NPTN: variants seen among roughly 807,000 people sequenced by gnomAD.
NPTN encodes the protein neuroplastin, also known as SDR-1.
A neutral mutation model predicts 42.7 loss-of-function variants in NPTN; 5 were observed. That is an observed-to-expected ratio of 0.12 (90% CI 0.06 to 0.25). NPTN has a LOEUF of 0.25. Among genes scored for constraint, NPTN ranks in the 10% least tolerant of loss-of-function variants. The probability of loss-of-function intolerance (pLI) is 1.00; values close to 1 mark genes in which losing one functional copy is unlikely to be tolerated. For synonymous variants in NPTN, 180 were observed against 201.9 expected, an observed-to-expected ratio of 0.89 and a Z score of 0.92; for missense variants, 307 against 525.4, an observed-to-expected ratio of 0.58 and a Z score of 4.06.
In NPTN at chr15:73,630,667, A is replaced by G. The variant is rs140051738; in HGVS notation, c.91+2458T>C. Among the ~76,000 whole-genome samples the G allele has an allele frequency of 8.5e-4, 130 of 152,362 alleles. No homozygotes were observed. In the East Asian group the frequency reaches 0.021, roughly 24 times the overall value. On this transcript the variant is annotated intron_variant, in intron 1 of 8. Coordinates refer to ENST00000345330, the MANE Select transcript of NPTN (RefSeq NM_012428.4). ...ATTCAATCTAAACTACTACATTCCC[A>G]ATTCAGAGATACTTGTGAGTTTTTT...
chr15:73,594,397 A>G (rs1431578528), intron 2 of NPTN, among the ~76,000 whole-genome samples: 2 of 152,240 alleles, frequency 1.3e-5, no homozygotes, highest in African/African-American at 4.8e-5. Flanking sequence ...TTGAAGGCAA[A>G]GGAAAGCACT....
rs1418103403 is a variant in NPTN, at chr15:73,597,706, A to G, written c.92-337T>C. On this transcript the variant is annotated intron_variant, in intron 1 of 8. Transcript: ENST00000345330. The surrounding 1 kb of genome is among the most constrained non-coding windows in gnomAD (Gnocchi z 6.3). ...TGAGAAAGCCTCAGGTCTTGGGAAGAGCCTCTTTCCTTAGAACACAAACCA... is the reference window on the plus strand; with the variant it reads ...TGAGAAAGCCTCAGGTCTTGGGAAGGGCCTCTTTCCTTAGAACACAAACCA... Among the ~76,000 whole-genome samples the G allele has an allele frequency of 6.6e-6, 1 of 152,224 alleles. No homozygotes were observed. Among genetic ancestry groups the G allele is most frequent in the Non-Finnish European group, 1.5e-5 (1 of 68,042 alleles).
intron 1 of NPTN, among the ~76,000 whole-genome samples, chr15:73,611,975 T>C (rs1374886725): frequency 6.6e-6 from 1 of 152,162 alleles, no homozygotes; most frequent in African/African-American, 2.4e-5. Flanking sequence ...AATCATGTAC[T>C]GAGGTTTATT....
intron 3 of NPTN, among the ~76,000 whole-genome samples, chr15:73,589,774 T>G (rs1347675124): frequency 2.7e-5 from 4 of 150,690 alleles, no homozygotes; most frequent in African/African-American, 9.8e-5. Context: ...CAGAGCTGTC[T>G]CAAGATATCC....
At chr15:73,602,480 A>T (rs772537308) in intron 1 of NPTN, among the ~76,000 whole-genome samples, 2 of 152,174 alleles carry the variant, frequency 1.3e-5, no homozygotes, top group African/African-American at 2.4e-5. Context: ...TGACATCTAA[A>T]CGTGAATACA....
chr15:73,573,564 C>T, intron 5 of NPTN, 98 bp downstream of exon 5: 1 of 1,340,462 alleles, frequency 7.5e-7, no homozygotes, highest in Non-Finnish European at 1.0e-6. Context: ...GCCATGCACA[C>T]ATCCGAGGAT....
chr15:73,614,238 T>C (rs1433339904), intron 1 of NPTN, among the ~76,000 whole-genome samples: 2 of 152,022 alleles, frequency 1.3e-5, no homozygotes, highest in Non-Finnish European at 2.9e-5. Flanking sequence ...GAGGATCATT[T>C]GAGCCTCGGA....
In NPTN at chr15:73,633,170, G is replaced by A; in HGVS notation, c.46C>T (p.Leu16=). ...CCTGGGAGGAGGGAGCCAGAGACCA[G>A]CAACAGCGAGAGGGCCAGGGCGCTG... ...LPSALALSLL[L]VSGSLLPGPG... Residue 16 remains leucine, a synonymous_variant, in exon 1 of 9, where the codon CTG becomes TTG. Coordinates refer to ENST00000345330, the MANE Select transcript of NPTN (RefSeq NM_012428.4). 1 of 1,519,206 alleles carries A rather than the reference G, an allele frequency of 6.6e-7. No homozygotes were observed. The highest frequency in any genetic ancestry group is 8.8e-7 in the Non-Finnish European group (1 of 1,140,246). The allele number at this position is 1,519,206 out of a possible 1,614,324, so 94.1% of individuals were successfully genotyped here. A position where few individuals can be genotyped will look rare whatever the true frequency, so the allele number is the denominator to read the frequency against.
At position 73,570,590 on chromosome 15, in the gene NPTN, A is replaced by G. The variant is rs1895312244; in HGVS notation, c.841-167T>C. 6.6e-6 allele frequency among the ~76,000 whole-genome samples: 1 copy of G among 152,208 alleles called. No individual in the cohort carries two copies. The highest frequency in any genetic ancestry group is 2.4e-5 in the African/African-American group (1 of 41,458). On this transcript the variant is annotated intron_variant, in intron 5 of 8. Coordinates refer to ENST00000345330, the MANE Select transcript of NPTN (RefSeq NM_012428.4). The surrounding 1 kb of genome is among the most constrained non-coding windows in gnomAD (Gnocchi z 4.0). ...CTTCAGTATCAACAACAACAAATCA[A>G]CTTCTGACAGAGCCAGGCAAGCCTC...
At chr15:73,623,366 T>C (rs1176684872) in intron 1 of NPTN, among the ~76,000 whole-genome samples, 1 of 152,236 alleles carries the variant, frequency 6.6e-6, no homozygotes, top group Non-Finnish European at 1.5e-5. Context: ...AGTTTAGAGC[T>C]AGAAACACTA....
At chr15:73,626,196 T>C (rs1898396129) in intron 1 of NPTN, among the ~76,000 whole-genome samples, 1 of 152,230 alleles carries the variant, frequency 6.6e-6, no homozygotes, top group African/African-American at 2.4e-5. Flanking sequence ...AACAGAAAGA[T>C]CATAAAATAC....
At chr15:73,630,213 T>C (rs1037420130) in intron 1 of NPTN, among the ~76,000 whole-genome samples, 1 of 152,220 alleles carries the variant, frequency 6.6e-6, no homozygotes, top group Non-Finnish European at 1.5e-5. Flanking sequence ...TTACAGATGA[T>C]GAACTGATGA....
At chr15:73,610,897 C>T (rs1251229550) in intron 1 of NPTN, among the ~76,000 whole-genome samples, 2 of 152,100 alleles carry the variant, frequency 1.3e-5, no homozygotes, top group Non-Finnish European at 2.9e-5. Context: ...CATTTTCCCC[C>T]CTCTAGGCCC....
rs1394529537 is a variant in NPTN, at chr15:73,569,202, C to T, written c.1114+948G>A. 15 of 985,352 alleles carry T rather than the reference C, an allele frequency of 1.5e-5. No homozygotes were observed. Among genetic ancestry groups the T allele is most frequent in the South Asian group, 4.7e-5 (1 of 21,288 alleles). The allele number at this position is 985,352 out of a possible 1,614,324, so 61.0% of individuals were successfully genotyped here. ...AGTCGGCCAATTAATTTCTGTACGC[C>T]GGTCATGTTATAGGGTGGGGATGGG... is the stretch of plus-strand genomic sequence containing the variant. On this transcript the variant is annotated intron_variant, in intron 6 of 8. Coordinates refer to ENST00000345330, the MANE Select transcript of NPTN (RefSeq NM_012428.4). The surrounding 1 kb of genome is among the most constrained non-coding windows in gnomAD (Gnocchi z 4.1).
At chr15:73,563,325 C>A in intron 6 of NPTN, 68 bp from the exon 7 acceptor site, 1 of 1,599,584 alleles carries the variant, frequency 6.3e-7, no homozygotes, top group South Asian at 1.1e-5. Context: ...CTGTTAGATT[C>A]TGCATAAGGA....
chr15:73,571,268 AAAAC>A (rs551636212), intron 5 of NPTN, among the ~76,000 whole-genome samples: 64 of 152,204 alleles, frequency 4.2e-4, no homozygotes, highest in Non-Finnish European at 8.7e-4. Context: ...AACACAAAAC[AAAAC>A]AAACAAATAA....
intron 1 of NPTN, among the ~76,000 whole-genome samples, chr15:73,617,977 G>A (rs1897942118): frequency 1.3e-5 from 2 of 152,070 alleles, no homozygotes; most frequent in Non-Finnish European, 2.9e-5. Flanking sequence ...CCTCATAATT[G>A]AATTTTTAAT....
intron 4 of NPTN, among the ~76,000 whole-genome samples, chr15:73,582,715 C>A (rs1312360038): frequency 6.6e-6 from 1 of 152,178 alleles, no homozygotes; most frequent in South Asian, 2.1e-4. Flanking sequence ...AGATACCCCC[C>A]ACAAGACAGG....
At position 73,569,656 on chromosome 15, in the gene NPTN, C is replaced by A; in HGVS notation, c.1114+494G>T. 1.0e-6 allele frequency: 1 copy of A among 985,456 alleles called. No homozygotes were observed. The highest frequency in any genetic ancestry group is 4.7e-5 in the South Asian group (1 of 21,290). 61.0% of individuals were successfully genotyped at this position (985,456 alleles called of 1,614,324 possible). ...CTTTTCTGAGAACAGTCTGACTGGG[C>A]TGGGGCAGTTACCTACAGGGGCTAC... On this transcript the variant is annotated intron_variant, in intron 6 of 8. Coordinates refer to ENST00000345330, the MANE Select transcript of NPTN (RefSeq NM_012428.4). The surrounding 1 kb of genome is among the most constrained non-coding windows in gnomAD (Gnocchi z 4.1).
Sources: allele counts gnomAD v4.1 joint callset (sites outside exome capture counted in the v4.1 genomes callset), GRCh38; gene constraint gnomAD v4.1.1; non-coding constraint Gnocchi (gnomAD v3.1); transcripts MANE v1.5; gene names NCBI Gene and HGNC (gene_info 2026-07-23, HGNC 2026-07-21).